Variants in INTS13 observed in about 807,000 individuals in gnomAD.
INTS13 encodes asunder, spermatogenesis regulator homolog (Drosphila).
In INTS13, 35 loss-of-function variants were observed where a neutral mutation model predicts 90.2. That is an observed-to-expected ratio of 0.39 (90% CI 0.30 to 0.51). The LOEUF (loss-of-function observed/expected upper bound fraction) is 0.51. Among genes scored for constraint, INTS13 ranks in the 20% least tolerant of loss-of-function variants. The pLI, the probability that INTS13 is intolerant of heterozygous loss-of-function variation, is 0.80. For synonymous variants in INTS13, 309 were observed against 277.1 expected, an observed-to-expected ratio of 1.11 and a Z score of -1.14; for missense variants, 601 against 851.2, an observed-to-expected ratio of 0.71 and a Z score of 3.66.
intron 15 of INTS13, among the ~76,000 whole-genome samples, chr12:26,910,675 T>G (rs1291532038): frequency 6.6e-6 from 1 of 152,188 alleles, no homozygotes; most frequent in African/African-American, 2.4e-5. Context: ...CTTTAAAAAT[T>G]ACCCAGTCTT....
intron 8 of INTS13, among the ~76,000 whole-genome samples, chr12:26,920,319 G>A (rs1055444329): frequency 2.6e-5 from 4 of 151,952 alleles, no homozygotes; most frequent in African/African-American, 9.7e-5. Context: ...GACACATAGT[G>A]TCCACATGTA....
intron 8 of INTS13, among the ~76,000 whole-genome samples, chr12:26,922,149 A>G (rs1565827767): frequency 6.6e-6 from 1 of 152,198 alleles, no homozygotes; most frequent in Non-Finnish European, 1.5e-5. Context: ...CTTGGTTATC[A>G]GATCCACTGT....
chr12:26,907,515 G>T (rs1033572124), intron 15 of INTS13, among the ~76,000 whole-genome samples: 3 of 152,152 alleles, frequency 2.0e-5, no homozygotes, highest in African/African-American at 7.2e-5. Context: ...AAGAAAATCA[G>T]CCTTTGTGAC....
At chr12:26,912,037 T>TA (rs111714201) in intron 14 of INTS13, among the ~76,000 whole-genome samples, 584 of 152,334 alleles carry the variant, frequency 3.8e-3, no homozygotes, top group African/African-American at 0.012. Flanking sequence ...TGGATGAAGA[T>TA]ATATATGAAA....
chr12:26,931,250 C>T (rs182325030), intron 3 of INTS13, among the ~76,000 whole-genome samples: 75 of 152,066 alleles, frequency 4.9e-4, no homozygotes, highest in Non-Finnish European at 9.1e-4. Context: ...CAAGACCATC[C>T]TGGCTAACAC....
In INTS13 at chr12:26,937,869, G is replaced by T. The variant is rs1284872237; in HGVS notation, c.-85C>A. 1 of 152,876 alleles carries T rather than the reference G, an allele frequency of 6.5e-6. No homozygotes were observed. Among genetic ancestry groups the T allele is most frequent in the Non-Finnish European group, 1.5e-5 (1 of 68,202 alleles). The allele number at this position is 152,876 out of a possible 1,614,324, so 9.5% of individuals were successfully genotyped here. A position where few individuals can be genotyped will look rare whatever the true frequency, so the allele number is the denominator to read the frequency against. ...GCCTCTCTGGAAAAGGCTGCTGGCT[G>T]GGCGGGGAGAGTCAGCGCACAGTCG... On this transcript the variant is annotated 5_prime_UTR_variant, in exon 1 of 17. Coordinates refer to ENST00000261191, the MANE Select transcript of INTS13 (RefSeq NM_018164.3).
chr12:26,919,697 A>T (rs1039309375), intron 8 of INTS13, among the ~76,000 whole-genome samples: 6 of 152,338 alleles, frequency 3.9e-5, no homozygotes, highest in African/African-American at 1.4e-4. Flanking sequence ...TACATAAATG[A>T]ACAGACAACA....
chr12:26,919,424 G>T (rs900672735), intron 8 of INTS13, among the ~76,000 whole-genome samples: 1 of 152,078 alleles, frequency 6.6e-6, no homozygotes, highest in Non-Finnish European at 1.5e-5. Context: ...GCATAGGCAC[G>T]GGGCGGGTTT....
At chr12:26,908,566 A>G (rs1255676194) in intron 15 of INTS13, among the ~76,000 whole-genome samples, 1 of 152,040 alleles carries the variant, frequency 6.6e-6, no homozygotes, top group Non-Finnish European at 1.5e-5. Context: ...GCATCATACA[A>G]AGAGAGTTGA....
chr12:26,928,880 C>T lies in INTS13; in HGVS notation c.326G>A (p.Gly109Glu). The change falls in exon 4 of 17, where the codon GGG becomes GAG. Residue 109 changes from glycine to glutamate, a missense_variant. This residue lies in a region of INTS13 where 284 missense variants were observed against 387.7 expected (regional missense o/e 0.73). Coordinates refer to ENST00000261191, the MANE Select transcript of INTS13 (RefSeq NM_018164.3). ...TGGATCTGCCCGAGGATTAGGAGGC[C>T]CAACAGCGGCTAATGCTGCCATTAG... is the stretch of plus-strand genomic sequence containing the variant. ...QELMAALAAVGPPNPRADPEC... is the reference protein window; with the variant it reads ...QELMAALAAVEPPNPRADPEC... The T allele has an allele frequency of 6.2e-7, 1 of 1,614,052 alleles. No homozygotes were observed. The highest frequency in any genetic ancestry group is 8.5e-7 in the Non-Finnish European group (1 of 1,180,010).
At chr12:26,908,549 T>G (rs1951680541) in intron 15 of INTS13, among the ~76,000 whole-genome samples, 1 of 151,938 alleles carries the variant, frequency 6.6e-6, no homozygotes, top group Non-Finnish European at 1.5e-5. Context: ...TTTTTTTTTT[T>G]GTTACTGCAT....
At chr12:26,920,720 T>C (rs1041765828) in intron 8 of INTS13, among the ~76,000 whole-genome samples, 1 of 152,182 alleles carries the variant, frequency 6.6e-6, no homozygotes, top group African/African-American at 2.4e-5. Flanking sequence ...AAAATAACAT[T>C]TTAAAAATTG....
At chr12:26,922,160 C>T (rs1412711171) in intron 8 of INTS13, among the ~76,000 whole-genome samples, 1 of 152,126 alleles carries the variant, frequency 6.6e-6, no homozygotes, top group African/African-American at 2.4e-5. Flanking sequence ...GATCCACTGT[C>T]GAGGTATCAT....
intron 8 of INTS13, among the ~76,000 whole-genome samples, chr12:26,920,892 A>G (rs1461195773): frequency 6.6e-6 from 1 of 152,184 alleles, no homozygotes; most frequent in African/African-American, 2.4e-5. Flanking sequence ...CATGTAACAA[A>G]TGTCACAATT....
At chr12:26,934,137 T>A (rs1938338090) in intron 3 of INTS13, among the ~76,000 whole-genome samples, 2 of 152,134 alleles carry the variant, frequency 1.3e-5, no homozygotes, top group South Asian at 4.1e-4. Context: ...TAGCCAGGCA[T>A]GGTGGCACAC....
intron 3 of INTS13, among the ~76,000 whole-genome samples, chr12:26,931,703 T>C (rs1263581065): frequency 6.6e-6 from 1 of 152,156 alleles, no homozygotes; most frequent in Non-Finnish European, 1.5e-5. Flanking sequence ...TTTAGACAAA[T>C]AATGTTAAAA....
At chr12:26,921,272 A>T (rs1351754185) in intron 8 of INTS13, among the ~76,000 whole-genome samples, 1 of 152,230 alleles carries the variant, frequency 6.6e-6, no homozygotes, top group Non-Finnish European at 1.5e-5. Flanking sequence ...GGATTGAAAT[A>T]ATTTTTAGAG....
chr12:26,915,719 T>G (rs934728972), intron 11 of INTS13, among the ~76,000 whole-genome samples: 13 of 152,216 alleles, frequency 8.5e-5, no homozygotes, highest in Non-Finnish European at 1.5e-4. Flanking sequence ...AAATTAAGTT[T>G]CACCTAAAAT....
chr12:26,910,440 G>A (rs1023916975), intron 15 of INTS13, among the ~76,000 whole-genome samples: 7 of 152,226 alleles, frequency 4.6e-5, no homozygotes, highest in East Asian at 3.9e-4. Context: ...GCTGTGATAC[G>A]GTTTGGCTGT....
Sources: allele counts gnomAD v4.1 joint callset (sites outside exome capture counted in the v4.1 genomes callset), GRCh38; gene constraint gnomAD v4.1.1; regional missense constraint gnomAD v4.1.1; transcripts MANE v1.5; gene names NCBI Gene and HGNC (gene_info 2026-07-23, HGNC 2026-07-21).